The following MYRIP variants were observed in gnomAD, a reference collection of about 807,000 sequenced individuals.
MYRIP encodes the protein myosin VIIA and Rab interacting protein.
In MYRIP, 49 loss-of-function variants were observed where a neutral mutation model predicts 98.0. The ratio of observed to expected loss-of-function variants is 0.50; its 90% CI spans 0.40 to 0.63. The LOEUF is 0.63. Ranked by LOEUF, MYRIP falls within the 30% of genes least tolerant of loss-of-function variation. MYRIP has a pLI of 0.00. For synonymous variants in MYRIP, 404 were observed against 409.5 expected (o/e 0.99, Z 0.16); for missense variants, 1,004 against 1,058.2 (o/e 0.95, Z 0.71).
intron 3 of MYRIP, among the ~76,000 whole-genome samples, chr3:40,129,915 T>C (rs1485845338): frequency 1.3e-5 from 2 of 152,234 alleles, no homozygotes; most frequent in African/African-American, 4.8e-5. Context: ...CTAATGAGAA[T>C]ACACATGTTT....
chr3:40,030,312 T>C (rs765605883), intron 2 of MYRIP, among the ~76,000 whole-genome samples: 16 of 152,066 alleles, frequency 1.1e-4, no homozygotes, highest in Non-Finnish European at 2.4e-4. Flanking sequence ...CCCCCTAAGA[T>C]GGCTGTAATT....
At chr3:40,061,387 AC>A (rs780794899) in intron 3 of MYRIP, among the ~76,000 whole-genome samples, 2 of 151,898 alleles carry the variant, frequency 1.3e-5, no homozygotes, top group African/African-American at 2.4e-5. Context: ...CTCCATCTCC[AC>A]TCATGTTCCC....
At chr3:39,828,985 C>T (rs140187020) in intron 1 of MYRIP, among the ~76,000 whole-genome samples, 20 of 152,072 alleles carry the variant, frequency 1.3e-4, no homozygotes, top group African/African-American at 4.1e-4. Context: ...TTCTCTGGGT[C>T]GATACCCAGT....
At chr3:40,021,315 G>T (rs1004468319) in intron 2 of MYRIP, among the ~76,000 whole-genome samples, 3 of 152,194 alleles carry the variant, frequency 2.0e-5, no homozygotes, top group African/African-American at 7.2e-5. Context: ...TTAGCAGCTA[G>T]AGGGCATCAC....
intron 2 of MYRIP, among the ~76,000 whole-genome samples, chr3:40,039,655 G>A (rs985056831): frequency 1.3e-5 from 2 of 151,978 alleles, no homozygotes; most frequent in African/African-American, 4.8e-5. Flanking sequence ...ACTAGAAGAG[G>A]TTACGACTAT....
chr3:39,992,680 T>A (rs749917959), intron 2 of MYRIP, among the ~76,000 whole-genome samples: 10 of 152,200 alleles, frequency 6.6e-5, no homozygotes, highest in Admixed American at 2.0e-4. Context: ...ATTTCCACTT[T>A]GGTGACACAG....
intron 1 of MYRIP, among the ~76,000 whole-genome samples, chr3:39,887,975 C>T (rs9816591): frequency 0.16 from 23,336 of 146,130 alleles, 3,379 homozygotes; most frequent in African/African-American, 0.4. Context: ...TTACAAGGGA[C>T]GTGAAGGACC....
At chr3:40,027,570 A>T (rs1187772600) in intron 2 of MYRIP, among the ~76,000 whole-genome samples, 1 of 152,088 alleles carries the variant, frequency 6.6e-6, no homozygotes, top group East Asian at 1.9e-4. Flanking sequence ...CCACCAATCT[A>T]AAGTAGGTCC....
At chr3:39,997,098 A>G (rs1167572352) in intron 2 of MYRIP, among the ~76,000 whole-genome samples, 2 of 152,350 alleles carry the variant, frequency 1.3e-5, no homozygotes, top group East Asian at 3.9e-4. Flanking sequence ...TCTAAAATGG[A>G]CACCCTAACA....
intron 2 of MYRIP, among the ~76,000 whole-genome samples, chr3:39,967,498 T>C (rs1945469447): frequency 6.6e-6 from 1 of 152,170 alleles, no homozygotes; most frequent in African/African-American, 2.4e-5. Flanking sequence ...TGATGGGCAT[T>C]TAGGTTGATT....
chr3:40,177,476 G>A (rs1444064274), intron 8 of MYRIP, among the ~76,000 whole-genome samples: 1 of 152,156 alleles, frequency 6.6e-6, no homozygotes, highest in African/African-American at 2.4e-5. Context: ...TAACCATGCA[G>A]AATCCCCAAT....
chr3:40,084,924 G>T (rs991854036), intron 3 of MYRIP, among the ~76,000 whole-genome samples: 32 of 142,144 alleles, frequency 2.3e-4, no homozygotes, highest in Non-Finnish European at 4.3e-4. Context: ...CATGTCGATA[G>T]ATAATATATA....
chr3:39,977,153 A>T (rs565160700), intron 2 of MYRIP, among the ~76,000 whole-genome samples: 7 of 152,274 alleles, frequency 4.6e-5, no homozygotes, highest in Admixed American at 3.9e-4. Flanking sequence ...AAGTAAGCAA[A>T]ACTGCCCACT....
At chr3:39,844,236 G>A (rs1382437413) in intron 1 of MYRIP, among the ~76,000 whole-genome samples, 1 of 152,094 alleles carries the variant, frequency 6.6e-6, no homozygotes, top group Non-Finnish European at 1.5e-5. Flanking sequence ...CATTTTTCTA[G>A]GCATCTCTCA....
At chr3:40,112,203 G>A (rs751727821) in intron 3 of MYRIP, among the ~76,000 whole-genome samples, 18 of 146,718 alleles carry the variant, frequency 1.2e-4, no homozygotes, top group Non-Finnish European at 1.3e-4. Flanking sequence ...ACACACATAC[G>A]CTCATGGAAT....
intron 1 of MYRIP, among the ~76,000 whole-genome samples, chr3:39,826,395 T>C (rs2125579081): frequency 6.6e-6 from 1 of 152,292 alleles, no homozygotes; most frequent in East Asian, 1.9e-4. Context: ...ATTTTTAAAT[T>C]TCCTGCTTAA....
chr3:40,214,836 C>G (rs557743636), intron 11 of MYRIP, among the ~76,000 whole-genome samples: 6 of 152,194 alleles, frequency 3.9e-5, no homozygotes, highest in African/African-American at 1.4e-4. Flanking sequence ...CAGCTGCTGC[C>G]CTCCTAAAGG....
intron 1 of MYRIP, among the ~76,000 whole-genome samples, chr3:39,837,399 G>GT (rs1469294914): frequency 6.6e-6 from 1 of 152,156 alleles, no homozygotes; most frequent in African/African-American, 2.4e-5. Context: ...TGTATAAGGT[G>GT]TAAGGAAGGG....
chr3:40,106,247 T>A (rs945066454), intron 3 of MYRIP, among the ~76,000 whole-genome samples: 7 of 152,110 alleles, frequency 4.6e-5, no homozygotes, highest in Admixed American at 3.3e-4. Context: ...CAGTCTCACC[T>A]ACATGTGAAA....
Sources: gnomAD v4.1 joint callset for allele counts (sites outside exome capture counted in the v4.1 genomes callset) on GRCh38, gnomAD v4.1.1 for gene constraint, MANE v1.5 for transcripts, NCBI Gene and HGNC (gene_info 2026-07-23, HGNC 2026-07-21) for gene names.